The following CCNY variants were observed in gnomAD, a reference collection of about 807,000 sequenced individuals.
CCNY encodes the protein cyclin-Y.
A neutral mutation model predicts 42.8 loss-of-function variants in CCNY; 19 were observed. That is an observed-to-expected ratio of 0.44 (90% CI 0.31 to 0.65). The LOEUF is 0.65. Among genes scored for constraint, CCNY ranks in the 30% least tolerant of loss-of-function variants. The pLI, the probability that CCNY is intolerant of heterozygous loss-of-function variation, is 0.07. For missense variants in CCNY, 370 were observed against 437.3 expected (o/e 0.85, Z 1.37); for synonymous variants, 165 against 162.7 (o/e 1.01, Z -0.11).
At chr10:35,472,525 C>T (rs949264145) in intron 1 of CCNY, among the ~76,000 whole-genome samples, 7 of 152,116 alleles carry the variant, frequency 4.6e-5, no homozygotes, top group Non-Finnish European at 5.9e-5. Flanking sequence ...TGATCTCTTT[C>T]GTTACTTCTG....
At chr10:35,448,922 G>C (rs1281273502) in intron 1 of CCNY, among the ~76,000 whole-genome samples, 1 of 152,062 alleles carries the variant, frequency 6.6e-6, no homozygotes, top group Non-Finnish European at 1.5e-5. Context: ...TAGACCCTGA[G>C]GCATGTCAAG....
intron 3 of CCNY, among the ~76,000 whole-genome samples, chr10:35,316,813 G>T (rs1310877682): frequency 6.6e-6 from 1 of 152,194 alleles, no homozygotes; most frequent in Non-Finnish European, 1.5e-5. Flanking sequence ...AATAAAGCAA[G>T]AATTCACTGA....
At chr10:35,370,952 T>C (rs1242439035) in intron 1 of CCNY, among the ~76,000 whole-genome samples, 2 of 152,164 alleles carry the variant, frequency 1.3e-5, no homozygotes, top group African/African-American at 2.4e-5. Flanking sequence ...CCTGACCCAG[T>C]GATCCGTCCG....
At chr10:35,431,664 C>T (rs369513859) in intron 1 of CCNY, among the ~76,000 whole-genome samples, 6 of 151,682 alleles carry the variant, frequency 4.0e-5, no homozygotes, top group African/African-American at 7.3e-5. Context: ...AGTTTTGATA[C>T]GTGTTCTTCC....
At chr10:35,451,846 G>T (rs1838925294) in intron 1 of CCNY, among the ~76,000 whole-genome samples, 1 of 152,182 alleles carries the variant, frequency 6.6e-6, no homozygotes. Context: ...GTCAGGGCAT[G>T]CCTGTCCTGC....
chr10:35,335,739 A>T (rs997604686), upstream of CCNY, among the ~76,000 whole-genome samples: 1 of 150,710 alleles, frequency 6.6e-6, no homozygotes, highest in Non-Finnish European at 1.5e-5. Context: ...AGCCTGGCTT[A>T]GTGGCGGGCG....
At chr10:35,329,730 G>GC (rs1835921326) in intron 3 of CCNY, among the ~76,000 whole-genome samples, 1 of 152,196 alleles carries the variant, frequency 6.6e-6, no homozygotes. Context: ...AAAGTGAGAG[G>GC]CCAGAGTGGC....
intron 1 of CCNY, among the ~76,000 whole-genome samples, chr10:35,356,610 C>G (rs1385655307): frequency 6.6e-6 from 1 of 152,044 alleles, no homozygotes; most frequent in African/African-American, 2.4e-5. Context: ...TCCTTAACCT[C>G]TTCATGTTTT....
At chr10:35,353,432 G>A (rs1836469719) in intron 1 of CCNY, among the ~76,000 whole-genome samples, 1 of 152,204 alleles carries the variant, frequency 6.6e-6, no homozygotes, top group Non-Finnish European at 1.5e-5. Flanking sequence ...GTGGAAGACA[G>A]AATAGACATC....
At chr10:35,478,312 A>T (rs1349481958) in intron 1 of CCNY, among the ~76,000 whole-genome samples, 4 of 151,894 alleles carry the variant, frequency 2.6e-5, no homozygotes, top group Non-Finnish European at 5.9e-5. Flanking sequence ...TGGAACCAAA[A>T]AAGAGCGCGC....
chr10:35,273,481 A>G (rs1565060060), intron 3 of CCNY, among the ~76,000 whole-genome samples: 1 of 152,048 alleles, frequency 6.6e-6, no homozygotes, highest in Non-Finnish European at 1.5e-5. Flanking sequence ...CTGGGATTAC[A>G]GGCATGAGCC....
chr10:35,283,472 CT>C (rs1835319728), intron 3 of CCNY, among the ~76,000 whole-genome samples: 1 of 151,740 alleles, frequency 6.6e-6, no homozygotes. Context: ...GTGACCTTGG[CT>C]CACTGCAACC....
intron 1 of CCNY, among the ~76,000 whole-genome samples, chr10:35,413,483 A>G (rs1837957028): frequency 6.6e-6 from 1 of 152,220 alleles, no homozygotes; most frequent in South Asian, 2.1e-4. Context: ...CATTGGATAT[A>G]TGTGATTCTG....
At chr10:35,328,780 T>C (rs572792379) in intron 3 of CCNY, among the ~76,000 whole-genome samples, 1 of 152,350 alleles carries the variant, frequency 6.6e-6, no homozygotes, top group East Asian at 1.9e-4. Context: ...AGGTTAGGTA[T>C]GCAAAGCTTT....
chr10:35,356,137 C>G (rs1836545234), intron 1 of CCNY, among the ~76,000 whole-genome samples: 2 of 152,158 alleles, frequency 1.3e-5, no homozygotes, highest in South Asian at 2.1e-4. Flanking sequence ...GCTTGTATTA[C>G]AAAGATAGAA....
At chr10:35,478,899 TCAAA>T (rs1839587002) in intron 1 of CCNY, among the ~76,000 whole-genome samples, 1 of 152,046 alleles carries the variant, frequency 6.6e-6, no homozygotes, top group African/African-American at 2.4e-5. Flanking sequence ...TACAATGAAC[TCAAA>T]CAAATTTACA....
chr10:35,259,328 C>T (rs978594395), intron 3 of CCNY, among the ~76,000 whole-genome samples: 8 of 151,916 alleles, frequency 5.3e-5, no homozygotes, highest in African/African-American at 1.9e-4. Context: ...ATCCTCCCAC[C>T]TCAGCCTCTT....
chr10:35,295,163 T>G (rs1159194111), intron 3 of CCNY, among the ~76,000 whole-genome samples: 1 of 151,564 alleles, frequency 6.6e-6, no homozygotes, highest in Non-Finnish European at 1.5e-5. Context: ...CAAAAATAAA[T>G]AAATAAATAA....
chr10:35,511,871 G>A (rs532459639), intron 3 of CCNY, among the ~76,000 whole-genome samples: 2 of 152,164 alleles, frequency 1.3e-5, no homozygotes, highest in African/African-American at 2.4e-5. Flanking sequence ...GAGTTGACTC[G>A]TGTGTCTCTC....
Sources: gnomAD v4.1 joint callset for allele counts (sites outside exome capture counted in the v4.1 genomes callset) on GRCh38, gnomAD v4.1.1 for gene constraint, MANE v1.5 for transcripts, NCBI Gene and HGNC (gene_info 2026-07-23, HGNC 2026-07-21) for gene names.